Variants in PLEKHS1 observed in about 807,000 individuals in gnomAD.
The protein encoded by PLEKHS1 is pleckstrin homology domain containing S1, also known as pleckstrin homology domain-containing family S member 1.
PLEKHS1 carries 55 observed loss-of-function variants against 51.0 expected under a neutral mutation model. The observed-to-expected ratio is 1.08, with a 90% CI of 0.87 to 1.35. The LOEUF is 1.35. Among genes scored for constraint, PLEKHS1 ranks in the 40% most tolerant of loss-of-function variants. The pLI is 0.00. For missense variants in PLEKHS1, 398 were observed against 423.0 expected, an observed-to-expected ratio of 0.94 and a Z score of 0.52; for synonymous variants, 153 against 144.8, an observed-to-expected ratio of 1.06 and a Z score of -0.41.
intron 11 of PLEKHS1, among the ~76,000 whole-genome samples, chr10:113,779,569 C>CAAAAAAAAAAA (rs566568556): frequency 1.8e-5 from 2 of 111,596 alleles, no homozygotes; most frequent in Admixed American, 9.8e-5. Context: ...GACTCTGTCT[C>CAAAAAAAAAAA]AAAAAAAAAA....
exon 2 of PLEKHS1, chr10:113,755,275 A>G (rs1564814801): frequency 1.9e-6 from 3 of 1,608,512 alleles, no homozygotes; most frequent in African/African-American, 2.7e-5. Flanking sequence ...ACACACAGCC[A>G]TCATGGAACC....
chr10:113,760,121 T>C (rs962053652), intron 2 of PLEKHS1, among the ~76,000 whole-genome samples: 6 of 152,192 alleles, frequency 3.9e-5, no homozygotes, highest in African/African-American at 1.4e-4. Flanking sequence ...ATGAACACTT[T>C]CTGTCTGACA....
chr10:113,751,836 A>T (rs929984840), intron 1 of PLEKHS1, 75 bp downstream of exon 1: 1 of 152,194 alleles, frequency 6.6e-6, no homozygotes, highest in African/African-American at 2.4e-5. Flanking sequence ...CAATTGAACA[A>T]TTGCAAAATT....
chr10:113,759,575 T>A (rs1480659452), intron 2 of PLEKHS1, among the ~76,000 whole-genome samples: 4 of 152,208 alleles, frequency 2.6e-5, no homozygotes, highest in African/African-American at 7.2e-5. Context: ...CATAATTTTT[T>A]AAAAATATAT....
chr10:113,774,619 A>G (rs1402950977), intron 9 of PLEKHS1, among the ~76,000 whole-genome samples: 1 of 152,164 alleles, frequency 6.6e-6, no homozygotes, highest in African/African-American at 2.4e-5. Context: ...CAAACACTGT[A>G]AAGGGTAATT....
chr10:113,753,305 C>T (rs141992018), intron 1 of PLEKHS1, among the ~76,000 whole-genome samples: 15 of 152,212 alleles, frequency 9.9e-5, no homozygotes, highest in African/African-American at 3.6e-4. Context: ...GCAGTGAAAT[C>T]CTTGAAACTG....
intron 10 of PLEKHS1, 144 bp downstream of exon 10, chr10:113,775,179 T>C: frequency 1.4e-6 from 1 of 731,866 alleles, no homozygotes; most frequent in Non-Finnish European, 2.2e-6. Flanking sequence ...CTTCTCCCTG[T>C]CATTGATGTT....
intron 2 of PLEKHS1, among the ~76,000 whole-genome samples, chr10:113,758,614 A>G (rs1564816554): frequency 6.6e-6 from 1 of 152,172 alleles, no homozygotes; most frequent in African/African-American, 2.4e-5. Flanking sequence ...AGTGAGAGAC[A>G]TGTAACTCAC....
rs1593003201 is a variant in PLEKHS1 at position 113,755,245 on chromosome 10, C to A, written c.-19-14C>A. The A allele has an allele frequency of 6.2e-7, 1 of 1,602,838 alleles. No individual in the cohort carries two copies. Among genetic ancestry groups the A allele is most frequent in the Non-Finnish European group, 8.5e-7 (1 of 1,175,446 alleles). On this transcript the variant is annotated splice_polypyrimidine_tract_variant and intron_variant, in intron 1 of 11. Transcript: ENST00000361048. ...TGTTGTTTGGGGACTAACACTAACC[C>A]TTCCTTTTGACAGGGGAGGACACAC...
At chr10:113,769,639 G>T in intron 6 of PLEKHS1, 145 bp from the exon 7 acceptor site, 1 of 675,154 alleles carries the variant, frequency 1.5e-6, no homozygotes, top group Middle Eastern at 4.2e-4. Flanking sequence ...CTCTTGTCTT[G>T]GTGAAATAAT....
At chr10:113,777,463 A>C in intron 11 of PLEKHS1, 1 of 1,598,950 alleles carries the variant, frequency 6.3e-7, no homozygotes, top group South Asian at 1.1e-5. Context: ...GCACTGAGCT[A>C]AGAGACAGAG....
rs1844850736 is a variant in PLEKHS1, at chr10:113,781,023, A to G, written c.*421A>G. ...GCCTTATTATCTCAGCTATTGTCCC[A>G]AACACCACAGACACAGATTGGGTCA... On this transcript the variant is annotated 3_prime_UTR_variant, in exon 12 of 12. Transcript: ENST00000361048. The G allele has an allele frequency of 1.3e-5, 7 of 521,666 alleles. No individual in the cohort carries two copies. The South Asian group carries it at 1.9e-4, about 14-fold the overall frequency. 32.3% of individuals were successfully genotyped at this position (521,666 alleles called of 1,614,324 possible).
At chr10:113,764,356 C>T (rs1844073154) in intron 2 of PLEKHS1, among the ~76,000 whole-genome samples, 1 of 152,154 alleles carries the variant, frequency 6.6e-6, no homozygotes, top group Non-Finnish European at 1.5e-5. Context: ...ACCTCAGCCT[C>T]CCAAAGTGCT....
chr10:113,765,444 CCTCAGGT>C, intron 2 of PLEKHS1: 1 of 777,140 alleles, frequency 1.3e-6, no homozygotes, highest in Non-Finnish European at 2.4e-6. Flanking sequence ...CTTTCTCTGG[CCTCAGGT>C]AGTTTCAGCA....
chr10:113,758,051 A>G (rs1843747604), intron 2 of PLEKHS1, among the ~76,000 whole-genome samples: 1 of 152,196 alleles, frequency 6.6e-6, no homozygotes, highest in Admixed American at 6.5e-5. Flanking sequence ...CACTGAAGGA[A>G]GTTTTGAACC....
intron 2 of PLEKHS1, among the ~76,000 whole-genome samples, chr10:113,762,834 G>A (rs1844002326): frequency 6.6e-6 from 1 of 151,910 alleles, no homozygotes. Flanking sequence ...AAGTTGGTTG[G>A]TAGTGTTGTT....
Position 113,775,350 on chromosome 10 carries a change from G to A in PLEKHS1, c.989+315G>A, listed in dbSNP as rs183238046. Among the ~76,000 whole-genome samples, 881 of 152,304 alleles carry A rather than the reference G, an allele frequency of 5.8e-3. 1 individual carries two copies. Among genetic ancestry groups the A allele is most frequent in the Non-Finnish European group, 9.8e-3 (666 of 68,034 alleles). On this transcript the variant is annotated intron_variant, in intron 10 of 11. Transcript: ENST00000361048. ...GTAGCATGTCACTCAGTTTTCCCAT[G>A]AGTGTAATTATGGACATGCAAGTTG...
At chr10:113,775,074 G>T (rs753631012) in intron 10 of PLEKHS1, 39 bp downstream of exon 10, 1 of 1,543,492 alleles carries the variant, frequency 6.5e-7, no homozygotes, top group Non-Finnish European at 8.9e-7. Context: ...GGCCCTAAGA[G>T]CAAGGCAGCC....
At chr10:113,781,020 C>T in exon 12 of PLEKHS1, 1 of 525,494 alleles carries the variant, frequency 1.9e-6, no homozygotes, top group South Asian at 2.6e-5. Flanking sequence ...CAGCTATTGT[C>T]CCAAACACCA....
Sources: allele counts gnomAD v4.1 joint callset (sites outside exome capture counted in the v4.1 genomes callset), GRCh38; gene constraint gnomAD v4.1.1; transcripts MANE v1.5; gene names NCBI Gene and HGNC (gene_info 2026-07-23, HGNC 2026-07-21).